Variants in EHBP1 observed in about 807,000 individuals in gnomAD.
EHBP1 encodes the protein EH domain binding protein 1.
Under a neutral mutation model 144.0 loss-of-function variants are expected in EHBP1, and 55 were observed. The ratio of observed to expected loss-of-function variants is 0.38; its 90% CI spans 0.31 to 0.48. EHBP1 has a LOEUF of 0.48. Ranked by LOEUF, EHBP1 falls within the 20% of genes least tolerant of loss-of-function variation. The pLI, the probability that EHBP1 is intolerant of heterozygous loss-of-function variation, is 0.98. For synonymous variants in EHBP1, 469 were observed against 472.7 expected, an observed-to-expected ratio of 0.99 and a Z score of 0.10; for missense variants, 1,200 against 1,364.2, an observed-to-expected ratio of 0.88 and a Z score of 1.90.
intron 4 of EHBP1, among the ~76,000 whole-genome samples, chr2:62,765,889 T>C (rs931186565): frequency 6.6e-5 from 10 of 152,158 alleles, no homozygotes; most frequent in African/African-American, 2.4e-4. Flanking sequence ...AAGTGCATCA[T>C]GGAAAAGCTC....
rs570560780 is a variant in EHBP1, at chr2:62,945,900, T to C, written c.1413+2050T>C. On this transcript the variant is annotated intron_variant, in intron 12 of 22. Coordinates refer to ENST00000431489, the MANE Select transcript of EHBP1 (RefSeq NM_001142616.3). ...ATCAGTATAGTTTTCTTACAGAAAT[T>C]ACCCTTTGGATGGGCATGTTACAAA... Among the ~76,000 whole-genome samples the C allele has an allele frequency of 1.6e-4, 24 of 152,328 alleles. No homozygotes were observed. The South Asian group carries it at 4.8e-3, about 30-fold the overall frequency.
intron 6 of EHBP1, among the ~76,000 whole-genome samples, chr2:62,828,752 T>C (rs1353325345): frequency 1.3e-5 from 2 of 152,348 alleles, no homozygotes; most frequent in South Asian, 2.1e-4. Context: ...CTAGATCTTA[T>C]CTGATTTGCA....
At chr2:62,680,249 C>T (rs1198922275) in intron 1 of EHBP1, among the ~76,000 whole-genome samples, 7 of 152,154 alleles carry the variant, frequency 4.6e-5, no homozygotes, top group Non-Finnish European at 8.8e-5. Flanking sequence ...GAGTTCCTCC[C>T]CTCTCATTTT....
intron 21 of EHBP1, among the ~76,000 whole-genome samples, chr2:63,042,956 A>G (rs551109853): frequency 2.0e-5 from 3 of 152,230 alleles, no homozygotes; most frequent in Non-Finnish European, 4.4e-5. Flanking sequence ...GTAAATAATT[A>G]TAAATCAAAG....
intron 19 of EHBP1, among the ~76,000 whole-genome samples, chr2:63,028,218 T>C (rs947399002): frequency 3.3e-5 from 5 of 152,164 alleles, no homozygotes; most frequent in Non-Finnish European, 5.9e-5. Context: ...ACATGATAAA[T>C]ATATACGCTT....
intron 7 of EHBP1, among the ~76,000 whole-genome samples, chr2:62,851,135 T>G (rs1053084163): frequency 6.6e-6 from 1 of 152,224 alleles, no homozygotes. Context: ...TGGTGATGCT[T>G]TGTCTTGCTT....
chr2:62,797,623 A>C (rs541642774), intron 5 of EHBP1, among the ~76,000 whole-genome samples: 8 of 152,330 alleles, frequency 5.3e-5, no homozygotes, highest in African/African-American at 1.9e-4. Flanking sequence ...TTAATAGGCA[A>C]ACTTTTGCCT....
intron 2 of EHBP1, among the ~76,000 whole-genome samples, chr2:62,738,335 A>G (rs769682784): frequency 2.6e-5 from 4 of 152,164 alleles, no homozygotes; most frequent in African/African-American, 7.2e-5. Flanking sequence ...GCTGAGCCCT[A>G]TAGTATTATC....
At chr2:62,835,607 G>C (rs1191219766) in intron 7 of EHBP1, among the ~76,000 whole-genome samples, 2 of 152,130 alleles carry the variant, frequency 1.3e-5, no homozygotes, top group Non-Finnish European at 2.9e-5. Flanking sequence ...GGGAGTGCCA[G>C]ACAGTGGGCG....
In EHBP1 at chr2:62,955,723, T is replaced by G. The variant is rs916889384; in HGVS notation, c.2460+63T>G. ...ATTGTAATCATGGGGAGGAGGGAAG[T>G]AATTTGCTTGTATTTCTGCTATGTT... On this transcript the variant is annotated intron_variant, in intron 14 of 22. Transcript: ENST00000431489. 2.0e-5 allele frequency: 31 copies of G among 1,515,346 alleles called. 1 individual carries two copies. The highest frequency in any genetic ancestry group is 1.8e-4 in the South Asian group (14 of 79,214). 93.9% of individuals were successfully genotyped at this position (1,515,346 alleles called of 1,614,324 possible).
chr2:62,870,580 G>C (rs1427518663), intron 9 of EHBP1, among the ~76,000 whole-genome samples: 2 of 151,682 alleles, frequency 1.3e-5, no homozygotes, highest in South Asian at 4.2e-4. Context: ...GCTGGGTGTA[G>C]TGGCAGGTGC....
chr2:62,697,851 A>C (rs191740599), intron 1 of EHBP1, among the ~76,000 whole-genome samples: 1 of 152,338 alleles, frequency 6.6e-6, no homozygotes, highest in Non-Finnish European at 1.5e-5. Flanking sequence ...TAATAAGAGA[A>C]AACAGAATGA....
At chr2:62,786,462 A>C (rs546239341) in intron 5 of EHBP1, among the ~76,000 whole-genome samples, 1 of 152,178 alleles carries the variant, frequency 6.6e-6, no homozygotes, top group Non-Finnish European at 1.5e-5. Context: ...CCGTGGTTCA[A>C]AGGGGAGGGG....
At position 62,796,718 on chromosome 2, in the gene EHBP1, G is replaced by A. The variant is rs138561330; in HGVS notation, c.312+25326G>A. Among the ~76,000 whole-genome samples the A allele has an allele frequency of 2.8e-4, 42 of 152,068 alleles. 1 individual carries two copies. The East Asian group carries it at 5.2e-3, about 19-fold the overall frequency. ...CACTTCCATGTATTTAATGGTACTG[G>A]ATTCTCTCAAAAACCCTATAAATAA... On this transcript the variant is annotated intron_variant, in intron 5 of 22. Transcript: ENST00000431489.
At chr2:63,006,483 A>G (rs532555812) in intron 19 of EHBP1, among the ~76,000 whole-genome samples, 9 of 152,074 alleles carry the variant, frequency 5.9e-5, no homozygotes, top group African/African-American at 2.2e-4. Flanking sequence ...ATTAGATAGA[A>G]AAAAACCTTT....
intron 10 of EHBP1, among the ~76,000 whole-genome samples, chr2:62,905,880 G>C (rs1277127651): frequency 1.3e-5 from 2 of 152,028 alleles, no homozygotes; most frequent in African/African-American, 2.4e-5. Context: ...AGTAAAAGCA[G>C]GAGAGAATAG....
intron 7 of EHBP1, among the ~76,000 whole-genome samples, chr2:62,856,389 T>C (rs537885536): frequency 6.6e-6 from 1 of 152,276 alleles, no homozygotes; most frequent in Admixed American, 6.5e-5. Context: ...ATGTGGAAAC[T>C]GCAGTGCACC....
intron 5 of EHBP1, among the ~76,000 whole-genome samples, chr2:62,778,785 G>A (rs891259337): frequency 1.3e-5 from 2 of 151,876 alleles, no homozygotes; most frequent in African/African-American, 4.8e-5. Context: ...TCTTGATCTC[G>A]CAAAATAACA....
At chr2:63,041,461 T>C (rs2061657501) in intron 21 of EHBP1, among the ~76,000 whole-genome samples, 1 of 152,222 alleles carries the variant, frequency 6.6e-6, no homozygotes. Flanking sequence ...ATTTTGTACA[T>C]CTTGATTTAT....
Sources: gnomAD v4.1 joint callset for allele counts (sites outside exome capture counted in the v4.1 genomes callset) on GRCh38, gnomAD v4.1.1 for gene constraint, MANE v1.5 for transcripts, NCBI Gene and HGNC (gene_info 2026-07-23, HGNC 2026-07-21) for gene names.